IPMK: variants seen among roughly 807,000 people sequenced by gnomAD.
IPMK encodes inositol polyphosphate multikinase.
IPMK carries 17 observed loss-of-function variants against 45.8 expected under a neutral mutation model. The observed-to-expected ratio is 0.37, with a 90% CI of 0.25 to 0.56. The LOEUF is 0.56. IPMK is among the 20% of genes least tolerant of loss of function. The pLI is 0.79. For missense variants in IPMK, 399 were observed against 498.0 expected (o/e 0.80, Z 1.89); for synonymous variants, 180 against 184.3 (o/e 0.98, Z 0.19).
At chr10:58,202,846 T>C (rs1773197292) in intron 4 of IPMK, among the ~76,000 whole-genome samples, 1 of 152,190 alleles carries the variant, frequency 6.6e-6, no homozygotes, top group South Asian at 2.1e-4. Context: ...CCTAACAAGA[T>C]TACTGATGAT....
chr10:58,238,270 G>A (rs1451886490), intron 1 of IPMK, among the ~76,000 whole-genome samples: 1 of 152,132 alleles, frequency 6.6e-6, no homozygotes, highest in East Asian at 1.9e-4. Context: ...AGTCTCTCTT[G>A]TCTAAAAGCA....
intron 2 of IPMK, among the ~76,000 whole-genome samples, chr10:58,232,690 G>C (rs1378156491): frequency 2.6e-5 from 4 of 152,152 alleles, no homozygotes; most frequent in Non-Finnish European, 4.4e-5. Flanking sequence ...AGTGTGTAGA[G>C]GGAAATTTAT....
At chr10:58,251,783 G>T (rs774077096) in intron 1 of IPMK, among the ~76,000 whole-genome samples, 1 of 152,154 alleles carries the variant, frequency 6.6e-6, no homozygotes, top group Non-Finnish European at 1.5e-5. Context: ...TATTTTATCT[G>T]ATACAACCAT....
intron 1 of IPMK, among the ~76,000 whole-genome samples, chr10:58,251,098 T>C (rs1021935968): frequency 6.6e-6 from 1 of 152,196 alleles, no homozygotes; most frequent in Admixed American, 6.5e-5. Context: ...ATTAGGTTAT[T>C]TGAAGTCTTT....
rs2132138230 is a variant in IPMK, at chr10:58,193,121, GT to G, written c.*2954del. 6.6e-6 allele frequency: 1 copy of G among 151,994 alleles called. No individual in the cohort carries two copies. The highest frequency in any genetic ancestry group is 1.5e-5 in the Non-Finnish European group (1 of 67,828). The allele number at this position is 151,994 out of a possible 1,614,324, so 9.4% of individuals were successfully genotyped here. A position where few individuals can be genotyped will look rare whatever the true frequency, so the allele number is the denominator to read the frequency against. On this transcript the variant is annotated 3_prime_UTR_variant, in exon 6 of 6. Transcript: ENST00000373935. ...AATATTCCAACCCCTAGAAACAAATGTATTTTCAGTAGCATGAAACAAAAAA... is the reference window on the plus strand; with the variant it reads ...AATATTCCAACCCCTAGAAACAAATGATTTTCAGTAGCATGAAACAAAAAA...
At chr10:58,240,153 A>T (rs1360017001) in intron 1 of IPMK, among the ~76,000 whole-genome samples, 1 of 152,158 alleles carries the variant, frequency 6.6e-6, no homozygotes, top group Non-Finnish European at 1.5e-5. Context: ...TAAAGAAACA[A>T]TAGAAAAAGA....
At chr10:58,212,608 G>A (rs1466958195) in intron 4 of IPMK, 7 of 235,348 alleles carry the variant, frequency 3.0e-5, no homozygotes, top group Non-Finnish European at 5.8e-5. Flanking sequence ...TAGTCCAACA[G>A]AGCAACCATG....
chr10:58,213,634 C>T (rs557717084), intron 4 of IPMK, among the ~76,000 whole-genome samples: 73 of 149,516 alleles, frequency 4.9e-4, no homozygotes, highest in South Asian at 1.7e-3. Flanking sequence ...TTGCAGTGAG[C>T]AGAGATGCGA....
At position 58,199,318 on chromosome 10, in the gene IPMK, A is replaced by G. The variant is rs753861061; in HGVS notation, c.550T>C (p.Tyr184His). Residue 184 changes from tyrosine to histidine, a missense_variant, in exon 5 of 6, where the codon TAT (tyrosine) becomes CAT (histidine). Physicochemically the swap from Tyr to His is moderately conservative, Grantham distance 83. Coordinates refer to ENST00000373935, the MANE Select transcript of IPMK (RefSeq NM_152230.5). ...TCATAGCTATCGGAATGAACATGAT[A>G]AACCTGTCAAAAAAAGCAGTGAATA... ...IGFLVLGMRV[Y>H]HVHSDSYETE... 1.1e-5 allele frequency: 18 copies of G among 1,597,954 alleles called. No individual in the cohort carries two copies. Among genetic ancestry groups the G allele is most frequent in the Middle Eastern group, 2.0e-4 (1 of 5,022 alleles).
chr10:58,223,890 C>G (rs1015128236), intron 3 of IPMK, among the ~76,000 whole-genome samples: 7 of 152,188 alleles, frequency 4.6e-5, no homozygotes, highest in South Asian at 4.1e-4. Context: ...GCCTTGCTTT[C>G]CCTTCACCTT....
intron 1 of IPMK, among the ~76,000 whole-genome samples, chr10:58,257,751 A>C (rs1838994139): frequency 6.6e-6 from 1 of 152,200 alleles, no homozygotes; most frequent in Non-Finnish European, 1.5e-5. Context: ...ATTATTGCTC[A>C]TAAGAACGTT....
chr10:58,246,974 C>T (rs1369518519), intron 1 of IPMK, among the ~76,000 whole-genome samples: 2 of 149,864 alleles, frequency 1.3e-5, no homozygotes, highest in Admixed American at 1.3e-4. Context: ...AACAAACAAC[C>T]CCATCAAAAA....
At chr10:58,198,539 A>T (rs1837941355) in intron 5 of IPMK, among the ~76,000 whole-genome samples, 1 of 152,194 alleles carries the variant, frequency 6.6e-6, no homozygotes, top group Non-Finnish European at 1.5e-5. Context: ...ACTAATTGTT[A>T]AGCTCATGCT....
chr10:58,252,178 T>TA (rs1200287308), intron 1 of IPMK, among the ~76,000 whole-genome samples: 2 of 152,228 alleles, frequency 1.3e-5, no homozygotes, highest in East Asian at 1.9e-4. Flanking sequence ...ACGAGGCTTA[T>TA]AAAAAACATC....
chr10:58,216,171 T>C lies in IPMK; in HGVS notation c.520A>G (p.Ile174Val). ...QVSKYPLMEE[I>V]GFLVLGMRVY... ...CTCATGCCAAGCACCAAGAACCCAA[T>C]CTCTTCCATTAATGGGTACTTGCTG... is the stretch of plus-strand genomic sequence containing the variant. The change falls in exon 4 of 6, where the codon ATT becomes GTT. Residue 174 changes from isoleucine (I) to valine (V), a missense_variant. By Grantham distance (29) the Ile-to-Val change is conservative (BLOSUM62 3). Transcript: ENST00000373935. 1.2e-6 allele frequency: 2 copies of C among 1,607,284 alleles called. No homozygotes were observed. The highest frequency in any genetic ancestry group is 1.7e-4 in the Middle Eastern group (1 of 6,022).
chr10:58,245,045 TAA>T (rs148706659), intron 1 of IPMK, among the ~76,000 whole-genome samples: 3 of 121,612 alleles, frequency 2.5e-5, no homozygotes, highest in African/African-American at 9.0e-5. Context: ...CAATAAATAC[TAA>T]AAAAAAAAAA....
At chr10:58,228,409 T>A (rs1468809696) in intron 2 of IPMK, among the ~76,000 whole-genome samples, 1 of 152,270 alleles carries the variant, frequency 6.6e-6, no homozygotes, top group Non-Finnish European at 1.5e-5. Context: ...CATAGTTTAA[T>A]TCTGGAATGG....
At chr10:58,207,703 T>G (rs1487849872) in intron 4 of IPMK, among the ~76,000 whole-genome samples, 1 of 152,112 alleles carries the variant, frequency 6.6e-6, no homozygotes, top group Non-Finnish European at 1.5e-5. Context: ...CTTTATGAAT[T>G]TAGGAGCTCC....
At chr10:58,215,707 G>C (rs144823722) in intron 4 of IPMK, among the ~76,000 whole-genome samples, 1 of 152,176 alleles carries the variant, frequency 6.6e-6, no homozygotes, top group African/African-American at 2.4e-5. Context: ...ACTGTGCCCG[G>C]CCACACAATT....
Sources: allele counts gnomAD v4.1 joint callset (sites outside exome capture counted in the v4.1 genomes callset), GRCh38; gene constraint gnomAD v4.1.1; transcripts MANE v1.5; gene names NCBI Gene and HGNC (gene_info 2026-07-23, HGNC 2026-07-21).